The following NKAIN2 variants were observed in gnomAD, a reference collection of about 807,000 sequenced individuals.
The protein encoded by NKAIN2 is sodium/potassium-transporting ATPase subunit beta-1-interacting protein 2.
Under a neutral mutation model 32.6 loss-of-function variants are expected in NKAIN2, and 14 were observed. That is an observed-to-expected ratio of 0.43 (90% CI 0.28 to 0.67). The LOEUF is 0.67. NKAIN2 is among the 30% of genes least tolerant of loss of function. The pLI is 0.17. For missense variants in NKAIN2, 198 were observed against 258.3 expected, an observed-to-expected ratio of 0.77 and a Z score of 1.60; for synonymous variants, 80 against 87.2, an observed-to-expected ratio of 0.92 and a Z score of 0.46.
intron 3 of NKAIN2, among the ~76,000 whole-genome samples, chr6:124,563,341 C>T (rs1780778279): frequency 6.6e-6 from 1 of 152,168 alleles, no homozygotes; most frequent in African/African-American, 2.4e-5. Context: ...AAACTGAGAC[C>T]TAAAACAATC....
chr6:124,255,125 C>T (rs866260922), intron 1 of NKAIN2, among the ~76,000 whole-genome samples: 3 of 152,132 alleles, frequency 2.0e-5, no homozygotes, highest in Non-Finnish European at 4.4e-5. Context: ...CTCATTGTGG[C>T]TCATTTCTTT....
chr6:124,590,574 G>A (rs1389601062), intron 3 of NKAIN2, among the ~76,000 whole-genome samples: 2 of 152,164 alleles, frequency 1.3e-5, no homozygotes, highest in African/African-American at 2.4e-5. Flanking sequence ...TGGCCTTGAG[G>A]CCCCAGGCAC....
chr6:124,635,316 C>T (rs1414992048), intron 3 of NKAIN2, among the ~76,000 whole-genome samples: 1 of 151,798 alleles, frequency 6.6e-6, no homozygotes, highest in Non-Finnish European at 1.5e-5. Context: ...ACTGGTAGAA[C>T]AGATATACAA....
intron 2 of NKAIN2, among the ~76,000 whole-genome samples, chr6:124,342,780 C>T (rs528134776): frequency 6.6e-6 from 1 of 150,938 alleles, no homozygotes; most frequent in South Asian, 2.1e-4. Flanking sequence ...ACTGGGATTA[C>T]AAGGATGAGC....
At chr6:124,274,493 C>G (rs1055555995) in intron 1 of NKAIN2, among the ~76,000 whole-genome samples, 3 of 151,924 alleles carry the variant, frequency 2.0e-5, no homozygotes, top group Non-Finnish European at 4.4e-5. Flanking sequence ...AAAACAATAC[C>G]ATAAGGTTCC....
At chr6:124,638,305 A>T (rs1783849153) in intron 3 of NKAIN2, among the ~76,000 whole-genome samples, 1 of 152,218 alleles carries the variant, frequency 6.6e-6, no homozygotes, top group Admixed American at 6.5e-5. Flanking sequence ...GAAACTATAA[A>T]ACTATTAGAA....
chr6:124,072,525 C>T (rs779114372), intron 1 of NKAIN2, among the ~76,000 whole-genome samples: 2 of 152,040 alleles, frequency 1.3e-5, no homozygotes, highest in African/African-American at 4.8e-5. Flanking sequence ...TTCATTTTCC[C>T]CTGTCATTCT....
At chr6:124,661,637 A>T (rs1006115449) in intron 4 of NKAIN2, among the ~76,000 whole-genome samples, 2 of 152,352 alleles carry the variant, frequency 1.3e-5, no homozygotes, top group East Asian at 1.9e-4. Context: ...CCAGCCGTGC[A>T]GAAAAGACTG....
At chr6:124,129,913 T>TG (rs756638959) in intron 1 of NKAIN2, among the ~76,000 whole-genome samples, 4 of 152,172 alleles carry the variant, frequency 2.6e-5, no homozygotes, top group Non-Finnish European at 5.9e-5. Context: ...CCACCCCACC[T>TG]GGCACTGAAG....
chr6:124,055,971 C>G (rs1371548994), intron 1 of NKAIN2, among the ~76,000 whole-genome samples: 3 of 152,014 alleles, frequency 2.0e-5, no homozygotes, highest in African/African-American at 7.2e-5. Flanking sequence ...ACCTTTTCTC[C>G]TATCTCCAGA....
intron 1 of NKAIN2, among the ~76,000 whole-genome samples, chr6:124,162,564 G>A (rs909012895): frequency 3.3e-5 from 5 of 152,082 alleles, no homozygotes; most frequent in Non-Finnish European, 5.9e-5. Flanking sequence ...CAACTGCTGA[G>A]GCTTTATAGT....
intron 1 of NKAIN2, among the ~76,000 whole-genome samples, chr6:123,867,907 C>T (rs1026645952): frequency 2.9e-5 from 4 of 139,970 alleles, no homozygotes; most frequent in South Asian, 2.2e-4. Flanking sequence ...CTTGCTCTGT[C>T]GCCCAGGCTG....
chr6:123,995,494 T>A (rs1413866904), intron 1 of NKAIN2, among the ~76,000 whole-genome samples: 1 of 152,020 alleles, frequency 6.6e-6, no homozygotes, highest in Non-Finnish European at 1.5e-5. Context: ...TTATGTGGAG[T>A]TGCTCAAAAA....
At chr6:124,459,918 G>A (rs1776467566) in intron 3 of NKAIN2, among the ~76,000 whole-genome samples, 1 of 151,606 alleles carries the variant, frequency 6.6e-6, no homozygotes, top group Admixed American at 6.6e-5. Context: ...ATTTTACGTA[G>A]ATGTATATGT....
chr6:124,670,643 TTCTG>T (rs139001532), intron 4 of NKAIN2, among the ~76,000 whole-genome samples: 26,154 of 102,160 alleles, frequency 0.26, 2,436 homozygotes, highest in East Asian at 0.41. Context: ...AATCTTTGCT[TTCTG>T]TGTGTGTGTG....
intron 3 of NKAIN2, among the ~76,000 whole-genome samples, chr6:124,409,718 A>G (rs1031859475): frequency 1.3e-5 from 2 of 152,222 alleles, no homozygotes; most frequent in Admixed American, 6.5e-5. Context: ...AAAATGAGTT[A>G]GGGAGGATTC....
intron 1 of NKAIN2, among the ~76,000 whole-genome samples, chr6:124,045,931 G>T (rs549553473): frequency 1.3e-5 from 2 of 152,012 alleles, no homozygotes; most frequent in East Asian, 3.9e-4. Context: ...TTAAGAATTG[G>T]GTCTGTCTAG....
At chr6:124,387,983 T>C (rs1385765538) in intron 3 of NKAIN2, among the ~76,000 whole-genome samples, 1 of 152,088 alleles carries the variant, frequency 6.6e-6, no homozygotes, top group South Asian at 2.1e-4. Flanking sequence ...TTGGTTGTTA[T>C]AAGGAGAAGG....
chr6:124,369,880 A>ATTTTTTTTTTTTTTTTTTTTTTTTTT (rs61588781), intron 3 of NKAIN2, among the ~76,000 whole-genome samples: 1 of 82,370 alleles, frequency 1.2e-5, no homozygotes, highest in African/African-American at 5.7e-5. Context: ...CAGAATGTCA[A>ATTTTTTTTTTTTTTTTTTTTTTTTTT]TTTTTTTTTT....
Sources: gnomAD v4.1 joint callset for allele counts (sites outside exome capture counted in the v4.1 genomes callset) on GRCh38, gnomAD v4.1.1 for gene constraint, MANE v1.5 for transcripts, NCBI Gene and HGNC (gene_info 2026-07-23, HGNC 2026-07-21) for gene names.